The following SLC24A2 variants were observed in gnomAD, a reference collection of about 807,000 sequenced individuals.
SLC24A2 encodes solute carrier family 24 member 2, also known as sodium/potassium/calcium exchanger 2.
A neutral mutation model predicts 62.0 loss-of-function variants in SLC24A2; 36 were observed. The ratio of observed to expected loss-of-function variants is 0.58; its 90% confidence interval spans 0.44 to 0.77. The LOEUF is 0.77. Ranked by LOEUF, SLC24A2 falls within the 30% of genes least tolerant of loss-of-function variation. The pLI, the probability that SLC24A2 is intolerant of heterozygous loss-of-function variation, is 0.00. For missense variants in SLC24A2, 846 were observed against 817.9 expected (o/e 1.03, Z -0.42); for synonymous variants, 358 against 294.0 (o/e 1.22, Z -2.23).
chr9:19,672,691 A>G lies in SLC24A2; in HGVS notation c.931-50392T>C, dbSNP rs568711941. Among the ~76,000 whole-genome samples the G allele has an allele frequency of 1.6e-4, 23 of 146,164 alleles. 4 individuals carry two copies. Among genetic ancestry groups the G allele is most frequent in the African/African-American group, 5.9e-4 (22 of 37,040 alleles). On this transcript the variant is annotated intron_variant, in intron 2 of 10. Transcript: ENST00000341998. Reference sequence around the variant, plus strand: ...ATTTAAGGCTGTGAATTTTCCTTTTAGCACTGTCTTTGCTGTATCCCAGAG... The same window carrying G: ...ATTTAAGGCTGTGAATTTTCCTTTTGGCACTGTCTTTGCTGTATCCCAGAG...
At chr9:19,829,274 G>T in the SLC24A2 span, among the ~76,000 whole-genome samples, 2 of 152,148 alleles carry the variant, frequency 1.3e-5, no homozygotes, top group Non-Finnish European at 2.9e-5. Flanking sequence ...ATGGCCATAT[G>T]AAGGGGCACA....
At position 19,636,318 on chromosome 9, in the gene SLC24A2, T is replaced by TCCTTC. The variant is rs573300887; in HGVS notation, c.931-14020_931-14019insGAAGG. ...TCTTTTCTTTTCTTTTCTTTTCTTT[T>TCCTTC]CTTTCTTTCTTTCTTTCTTTCTTTC... is the stretch of plus-strand genomic sequence containing the variant. On this transcript the variant is annotated intron_variant, in intron 2 of 10. Coordinates refer to ENST00000341998, the MANE Select transcript of SLC24A2 (RefSeq NM_020344.4). Among the ~76,000 whole-genome samples, 34 of 32,220 alleles carry TCCTTC rather than the reference T, an allele frequency of 1.1e-3. 6 individuals carry two copies. The highest frequency in any genetic ancestry group is 3.3e-3 in the African/African-American group (27 of 8,134). 21.1% of individuals were successfully genotyped at this position (32,220 alleles called of 152,430 possible). A position where few individuals can be genotyped will look rare whatever the true frequency, so the allele number is the denominator to read the frequency against.
the SLC24A2 span, among the ~76,000 whole-genome samples, chr9:19,869,082 A>G: frequency 6.6e-6 from 1 of 152,064 alleles, no homozygotes; most frequent in Admixed American, 6.6e-5. Flanking sequence ...CCTGGGCTCA[A>G]GTGATCCTCT....
At chr9:20,202,337 G>A in the SLC24A2 span, among the ~76,000 whole-genome samples, 1 of 152,140 alleles carries the variant, frequency 6.6e-6, no homozygotes, top group African/African-American at 2.4e-5. Flanking sequence ...GTTGTTAACC[G>A]AAGTTGTGTG....
chr9:20,237,696 T>C, the SLC24A2 span, among the ~76,000 whole-genome samples: 2 of 152,196 alleles, frequency 1.3e-5, no homozygotes, highest in African/African-American at 4.8e-5. Flanking sequence ...TTGTTTTTAA[T>C]GATTCTTAGT....
the SLC24A2 span, among the ~76,000 whole-genome samples, chr9:20,210,623 G>A: frequency 6.2e-4 from 86 of 138,824 alleles, no homozygotes; most frequent in Admixed American, 3.6e-3. Flanking sequence ...ACAGGCGCCC[G>A]CCACAACGCC....
At chr9:20,118,181 T>C in the SLC24A2 span, among the ~76,000 whole-genome samples, 1 of 147,920 alleles carries the variant, frequency 6.8e-6, no homozygotes, top group South Asian at 2.2e-4. Context: ...CTGGTGAGAA[T>C]CGAAAGAAAA....
chr9:19,895,781 C>G, the SLC24A2 span: 2 of 1,576,152 alleles, frequency 1.3e-6, no homozygotes, highest in Non-Finnish European at 1.7e-6. Context: ...TCTCCTCATG[C>G]GGTGGCCTGT....
the SLC24A2 span, among the ~76,000 whole-genome samples, chr9:20,283,763 G>GC: frequency 1.1e-4 from 16 of 139,248 alleles, no homozygotes; most frequent in African/African-American, 3.2e-4. Flanking sequence ...GGGGGGGGGG[G>GC]CTTTAATCTT....
At chr9:19,917,119 T>G in the SLC24A2 span, among the ~76,000 whole-genome samples, 1 of 151,046 alleles carries the variant, frequency 6.6e-6, no homozygotes, top group Non-Finnish European at 1.5e-5. Context: ...TTTCTTTAAC[T>G]GCTTTTAGAT....
At position 19,642,671 on chromosome 9, in the gene SLC24A2, C is replaced by CTTT. The variant is rs71335440; in HGVS notation, c.931-20375_931-20373dup. Among the ~76,000 whole-genome samples the CTTT allele has an allele frequency of 2.0e-4, 16 of 79,850 alleles. 4 individuals carry two copies. Among genetic ancestry groups the CTTT allele is most frequent in the Non-Finnish European group, 3.0e-4 (12 of 40,580 alleles). The allele number at this position is 79,850 out of a possible 152,430, so 52.4% of individuals were successfully genotyped here. ...AGAATGGTTTATATGAGAGCGTATT[C>CTTT]TTTTTTTTTTTTTTTTTTTTTTTTT... On this transcript the variant is annotated intron_variant, in intron 2 of 10. Transcript: ENST00000341998.
the SLC24A2 span, among the ~76,000 whole-genome samples, chr9:19,824,537 T>G: frequency 2.0e-5 from 3 of 152,144 alleles, no homozygotes; most frequent in Admixed American, 6.5e-5. Flanking sequence ...CTGGCAAGGC[T>G]GTGGAGAAAT....
intron 2 of SLC24A2, among the ~76,000 whole-genome samples, chr9:19,712,169 C>T (rs1820733683): frequency 6.6e-6 from 1 of 152,140 alleles, no homozygotes; most frequent in Non-Finnish European, 1.5e-5. Context: ...CAGTCAGTTC[C>T]ACGTTTAGGA....
At chr9:19,812,518 CT>C in the SLC24A2 span, among the ~76,000 whole-genome samples, 2 of 152,018 alleles carry the variant, frequency 1.3e-5, no homozygotes, top group Non-Finnish European at 2.9e-5. Context: ...TCATTTGATT[CT>C]TTTTATGAAT....
At chr9:20,060,211 G>T in the SLC24A2 span, among the ~76,000 whole-genome samples, 1 of 152,044 alleles carries the variant, frequency 6.6e-6, no homozygotes, top group African/African-American at 2.4e-5. Flanking sequence ...CTTTGCTGGT[G>T]AATTTTACCA....
chr9:19,585,196 C>A (rs78515244), intron 5 of SLC24A2, among the ~76,000 whole-genome samples: 3,371 of 152,196 alleles, frequency 0.022, 64 homozygotes, highest in Non-Finnish European at 0.035. Flanking sequence ...AATTGGAATT[C>A]TGAAAGTAAC....
the SLC24A2 span, among the ~76,000 whole-genome samples, chr9:20,070,880 C>T: frequency 1.3e-5 from 2 of 152,148 alleles, no homozygotes; most frequent in Non-Finnish European, 2.9e-5. Flanking sequence ...ATCTATGTTC[C>T]TGCCCAAATC....
intron 2 of SLC24A2, among the ~76,000 whole-genome samples, chr9:19,687,620 T>C (rs1819922523): frequency 3.3e-5 from 5 of 152,062 alleles, no homozygotes; most frequent in Admixed American, 3.3e-4. Flanking sequence ...GCTTCCAACT[T>C]TGGGATCATA....
the SLC24A2 span, chr9:19,928,896 G>A: frequency 5.9e-5 from 9 of 152,254 alleles, no homozygotes; most frequent in South Asian, 2.1e-4. Flanking sequence ...TGAGCCTTCA[G>A]GATTCAGTGG....
Sources: gnomAD v4.1 joint callset for allele counts (sites outside exome capture counted in the v4.1 genomes callset) on GRCh38, gnomAD v4.1.1 for gene constraint, MANE v1.5 for transcripts, NCBI Gene and HGNC (gene_info 2026-07-23, HGNC 2026-07-21) for gene names.